The following CAPSL variants were observed in gnomAD, a reference collection of about 807,000 sequenced individuals.
CAPSL encodes the protein calcyphosin-like protein.
Under a neutral mutation model 21.3 loss-of-function variants are expected in CAPSL, and 17 were observed. The ratio of observed to expected loss-of-function variants is 0.80; its 90% CI spans 0.55 to 1.20. The LOEUF is 1.20. Ranked by LOEUF, CAPSL falls within the 50% of genes most tolerant of loss-of-function variation. The pLI is 0.00. For missense variants in CAPSL, 289 were observed against 259.3 expected (o/e 1.11, Z -0.79); for synonymous variants, 102 against 89.3 (o/e 1.14, Z -0.80).
intron 2 of CAPSL, among the ~76,000 whole-genome samples, chr5:35,919,191 A>ATATATATATATAT (rs1561439733): frequency 2.8e-5 from 3 of 107,446 alleles, no homozygotes; most frequent in African/African-American, 9.8e-5. Context: ...ATATATATAT[A>ATATATATATATAT]AAAATTGTGA....
At chr5:35,913,754 A>G (rs1738295360) in intron 2 of CAPSL, among the ~76,000 whole-genome samples, 2 of 152,224 alleles carry the variant, frequency 1.3e-5, no homozygotes, top group South Asian at 2.1e-4. Flanking sequence ...CTGCAAAAAC[A>G]TGCCTAATTG....
At chr5:35,920,140 G>T (rs1040932961) in intron 2 of CAPSL, among the ~76,000 whole-genome samples, 1 of 152,126 alleles carries the variant, frequency 6.6e-6, no homozygotes, top group Admixed American at 6.5e-5. Flanking sequence ...TTTCTCCCAG[G>T]CACTCAGTAC....
intron 1 of CAPSL, among the ~76,000 whole-genome samples, chr5:35,925,493 G>T (rs1326276493): frequency 6.6e-6 from 1 of 152,126 alleles, no homozygotes; most frequent in East Asian, 1.9e-4. Context: ...CAGAGGTATG[G>T]GTGGCAGGGG....
At chr5:35,933,676 A>T (rs1158151742) in intron 1 of CAPSL, among the ~76,000 whole-genome samples, 1 of 152,174 alleles carries the variant, frequency 6.6e-6, no homozygotes, top group East Asian at 1.9e-4. Context: ...CTCCTGTCCA[A>T]GCTAGAGGGG....
rs533683529 is a variant in CAPSL, at chr5:35,906,309, C to T, written c.526-1663G>A. The stretch of plus-strand genomic sequence containing the variant: ...TAATCCTATCCCTAGCTTTTCTCTC[C>T]CACAGAAGTTGAAAAACTCAAAACT... On this transcript the variant is annotated intron_variant, in intron 4 of 4. Transcript: ENST00000651391. Among the ~76,000 whole-genome samples the T allele has an allele frequency of 7.9e-5, 12 of 152,276 alleles. No individual in the cohort carries two copies. In the South Asian group the frequency reaches 2.5e-3, roughly 32 times the overall value.
intron 2 of CAPSL, among the ~76,000 whole-genome samples, chr5:35,911,357 T>A (rs1738217000): frequency 6.6e-6 from 1 of 152,230 alleles, no homozygotes; most frequent in South Asian, 2.1e-4. Context: ...GTGATCAGTG[T>A]CAACATCAAC....
chr5:35,933,540 G>A (rs1469089688), intron 1 of CAPSL, among the ~76,000 whole-genome samples: 1 of 152,030 alleles, frequency 6.6e-6, no homozygotes, highest in African/African-American at 2.4e-5. Flanking sequence ...GTCACCACAG[G>A]GCACTCATTT....
At chr5:35,912,718 A>G (rs1332150594) in intron 2 of CAPSL, among the ~76,000 whole-genome samples, 3 of 152,226 alleles carry the variant, frequency 2.0e-5, no homozygotes, top group Non-Finnish European at 4.4e-5. Context: ...GTATGTCACC[A>G]TCATCAAAGA....
intron 2 of CAPSL, among the ~76,000 whole-genome samples, 187 bp from the exon 3 acceptor site, chr5:35,910,730 A>G (rs1738199455): frequency 6.6e-6 from 1 of 152,222 alleles, no homozygotes; most frequent in South Asian, 2.1e-4. Context: ...ACACACACAC[A>G]AAGTATAATT....
chr5:35,913,430 G>A (rs1042656552), intron 2 of CAPSL, among the ~76,000 whole-genome samples: 6 of 152,062 alleles, frequency 3.9e-5, no homozygotes, highest in Admixed American at 3.3e-4. Flanking sequence ...GTGGAAATAA[G>A]GAAAAAATGT....
Position 35,904,550 on chromosome 5 carries a change from G to C in CAPSL, c.622C>G (p.Leu208Val), listed in dbSNP as rs1367283613. ...CTGGTCCCCAGGTCATGTGCTTAAA[G>C]CTTCCAGGCGGTTCTCATCATGATG... ...FIIMMRTAWK[L>V] Residue 208 changes from leucine (L) to valine (V), a missense_variant, in exon 5 of 5, where the codon CTT becomes GTT. Transcript: ENST00000651391. 6.2e-7 allele frequency: 1 copy of C among 1,613,212 alleles called. No individual in the cohort carries two copies. The highest frequency in any genetic ancestry group is 1.7e-5 in the Admixed American group (1 of 59,958).
At chr5:35,928,511 G>C (rs2149931265) in intron 1 of CAPSL, among the ~76,000 whole-genome samples, 1 of 152,270 alleles carries the variant, frequency 6.6e-6, no homozygotes, top group South Asian at 2.1e-4. Flanking sequence ...GAGCCCATTT[G>C]AGTTTGAATC....
intron 4 of CAPSL, among the ~76,000 whole-genome samples, chr5:35,907,630 G>C (rs1760709001): frequency 6.6e-6 from 1 of 152,138 alleles, no homozygotes; most frequent in Non-Finnish European, 1.5e-5. Context: ...CAAATTCCGT[G>C]ACTGCTGAAA....
At chr5:35,918,160 A>G (rs1052972793) in intron 2 of CAPSL, among the ~76,000 whole-genome samples, 1 of 152,192 alleles carries the variant, frequency 6.6e-6, no homozygotes, top group Non-Finnish European at 1.5e-5. Flanking sequence ...TTGCACACAT[A>G]TGTTTATTGC....
chr5:35,912,824 C>T (rs1245764488), intron 2 of CAPSL, among the ~76,000 whole-genome samples: 2 of 152,228 alleles, frequency 1.3e-5, no homozygotes, highest in Non-Finnish European at 2.9e-5. Context: ...CAAAGGAGCA[C>T]AGCTCCTCAC....
Position 35,909,852 on chromosome 5 carries a change from GCT to G in CAPSL, c.525+12_525+13del. The G allele has an allele frequency of 6.3e-7, 1 of 1,594,118 alleles. No individual in the cohort carries two copies. Among genetic ancestry groups the G allele is most frequent in the South Asian group, 1.2e-5 (1 of 86,238 alleles). On this transcript the variant is annotated intron_variant, in intron 4 of 4. Coordinates refer to ENST00000651391, the MANE Select transcript of CAPSL (RefSeq NM_001042625.2). ...ATTGAAGAAATTTCCCCTAGATTAG[GCT>G]CTTTTACTTACCAATCCATCTTTGT...
intron 1 of CAPSL, among the ~76,000 whole-genome samples, chr5:35,927,810 A>C (rs1172567718): frequency 2.0e-5 from 3 of 152,242 alleles, no homozygotes; most frequent in Non-Finnish European, 4.4e-5. Flanking sequence ...AACCATCTGC[A>C]CTGGCTTTAG....
At chr5:35,906,416 G>C (rs1333723688) in intron 4 of CAPSL, among the ~76,000 whole-genome samples, 1 of 152,056 alleles carries the variant, frequency 6.6e-6, no homozygotes, top group East Asian at 1.9e-4. Context: ...AAGGAAATTT[G>C]ACATGAATTT....
At chr5:35,917,458 A>C (rs1289674930) in intron 2 of CAPSL, among the ~76,000 whole-genome samples, 1 of 152,216 alleles carries the variant, frequency 6.6e-6, no homozygotes, top group Non-Finnish European at 1.5e-5. Flanking sequence ...AAAGACTTGG[A>C]ACCAACCCAA....
Sources: gnomAD v4.1 joint callset for allele counts (sites outside exome capture counted in the v4.1 genomes callset) on GRCh38, gnomAD v4.1.1 for gene constraint, MANE v1.5 for transcripts, NCBI Gene and HGNC (gene_info 2026-07-23, HGNC 2026-07-21) for gene names.